The following BCAS3 variants were observed in gnomAD, a reference collection of about 807,000 sequenced individuals.
BCAS3 encodes BCAS4/BCAS3 fusion.
In BCAS3, 53 loss-of-function variants were observed where a neutral mutation model predicts 116.1. That is an observed-to-expected ratio of 0.46 (90% confidence interval 0.37 to 0.57). The LOEUF is 0.57. BCAS3 is among the 20% of genes least tolerant of loss of function. The probability of loss-of-function intolerance (pLI) is 0.00; values close to 1 mark genes in which losing one functional copy is unlikely to be tolerated. For missense variants in BCAS3, 917 were observed against 1,165.4 expected (o/e 0.79, Z 3.10); for synonymous variants, 391 against 408.2 (o/e 0.96, Z 0.51).
At chr17:61,010,499 T>A (rs1340247757) in intron 15 of BCAS3, among the ~76,000 whole-genome samples, 1 of 151,904 alleles carries the variant, frequency 6.6e-6, no homozygotes, top group Non-Finnish European at 1.5e-5. Context: ...CTTTTTTTTT[T>A]TAAATTGCAA....
At chr17:61,382,585 G>A (rs1437370873) in intron 23 of BCAS3, among the ~76,000 whole-genome samples, 1 of 151,802 alleles carries the variant, frequency 6.6e-6, no homozygotes, top group Non-Finnish European at 1.5e-5. Context: ...GAACCCAGAA[G>A]GCGGAGGTTG....
At chr17:61,025,565 C>T (rs1255055207) in intron 16 of BCAS3, among the ~76,000 whole-genome samples, 2 of 152,012 alleles carry the variant, frequency 1.3e-5, no homozygotes, top group African/African-American at 4.8e-5. Context: ...CCAGCTTACA[C>T]CTTAAAATGT....
Position 61,211,818 on chromosome 17 carries a change from A to G in BCAS3, c.2425+127254A>G, listed in dbSNP as rs2081475927. Among the ~76,000 whole-genome samples, 1 of 152,230 alleles carries G rather than the reference A, an allele frequency of 6.6e-6. No individual in the cohort carries two copies. The highest frequency in any genetic ancestry group is 1.5e-5 in the Non-Finnish European group (1 of 68,038). On this transcript the variant is annotated intron_variant, in intron 22 of 23. Transcript: ENST00000407086. This position sits in a 1 kb window ranked among gnomAD's most constrained non-coding sequence, Gnocchi z 4.4. ...CCAGAGTATGTTTACTGGGTAAAAT[A>G]TTTCAGGCATAGACTTGGAGAGCAA...
intron 22 of BCAS3, among the ~76,000 whole-genome samples, chr17:61,093,369 A>G (rs1304689395): frequency 6.6e-6 from 1 of 152,152 alleles, no homozygotes; most frequent in Non-Finnish European, 1.5e-5. Context: ...GGCAGATTGC[A>G]TGAGCTTAGG....
At chr17:60,864,170 A>C (rs2054392820) in intron 7 of BCAS3, among the ~76,000 whole-genome samples, 1 of 152,226 alleles carries the variant, frequency 6.6e-6, no homozygotes, top group Non-Finnish European at 1.5e-5. Context: ...CCTGGAATCA[A>C]GGAGCCACCT....
chr17:61,240,338 C>T (rs964018483), intron 22 of BCAS3, among the ~76,000 whole-genome samples: 1 of 152,164 alleles, frequency 6.6e-6, no homozygotes, highest in East Asian at 1.9e-4. Flanking sequence ...ATTCTTTTCA[C>T]TATACCATGA....
At chr17:61,317,337 T>C (rs2144802580) in intron 22 of BCAS3, among the ~76,000 whole-genome samples, 1 of 152,306 alleles carries the variant, frequency 6.6e-6, no homozygotes, top group East Asian at 1.9e-4. Flanking sequence ...AATAAAACAA[T>C]GTAAAGGCAT....
At chr17:61,067,726 CA>C (rs377228440) in intron 19 of BCAS3, among the ~76,000 whole-genome samples, 2,173 of 108,952 alleles carry the variant, frequency 0.02, 17 homozygotes, top group South Asian at 0.041. Context: ...AACAAACAAA[CA>C]AAAAAAAAAA....
rs1364624989 is a variant in BCAS3, at chr17:61,126,170, A to G, written c.2425+41606A>G. On this transcript the variant is annotated intron_variant, in intron 22 of 23. Coordinates refer to ENST00000407086, the MANE Select transcript of BCAS3 (RefSeq NM_017679.5). The surrounding 1 kb of genome is among the most constrained non-coding windows in gnomAD (Gnocchi z 4.6). ...CCTCTGACCGAATACAGAAGATCCA[A>G]AATACTTCCAAGGGTGAGAATTTTT... 1.3e-5 allele frequency among the ~76,000 whole-genome samples: 2 copies of G among 152,204 alleles called. No individual in the cohort carries two copies. Among genetic ancestry groups the G allele is most frequent in the East Asian group, 1.9e-4 (1 of 5,204 alleles).
rs187265550 is a variant in BCAS3, at chr17:60,725,879, G to A, written c.321+16554G>A. ...TTTTAATCCAGGATCAGACCTGAGG[G>A]AGTTTTGTTGTTGTTGTCATTGTTG... On this transcript the variant is annotated intron_variant, in intron 5 of 23. Transcript: ENST00000407086. Among the ~76,000 whole-genome samples the A allele has an allele frequency of 3.2e-3, 485 of 152,140 alleles. 9 individuals carry two copies. The South Asian group carries it at 0.045, about 14-fold the overall frequency.
chr17:60,929,668 A>G (rs1038218310), intron 13 of BCAS3, among the ~76,000 whole-genome samples: 11 of 149,722 alleles, frequency 7.3e-5, no homozygotes, highest in African/African-American at 2.7e-4. Context: ...TGCTGCACCC[A>G]TTAACTCGTC....
rs544631575 is a variant in BCAS3, at chr17:60,961,437, A to C, written c.1221+14085A>C. On this transcript the variant is annotated intron_variant, in intron 14 of 23. Coordinates refer to ENST00000407086, the MANE Select transcript of BCAS3 (RefSeq NM_017679.5). The surrounding 1 kb of genome is among the most constrained non-coding windows in gnomAD (Gnocchi z 4.8). ...CTGCTGCTTCAATCTATAGGATCAC[A>C]ATAGTCACATTAGCAGAATGAACCT... 6.6e-6 allele frequency among the ~76,000 whole-genome samples: 1 copy of C among 152,234 alleles called. No homozygotes were observed. The highest frequency in any genetic ancestry group is 2.1e-4 in the South Asian group (1 of 4,824).
At chr17:60,900,516 G>A (rs551678279) in intron 10 of BCAS3, among the ~76,000 whole-genome samples, 1 of 152,024 alleles carries the variant, frequency 6.6e-6, no homozygotes. Flanking sequence ...ACCCACTTTT[G>A]GTGTTTCCTG....
intron 14 of BCAS3, among the ~76,000 whole-genome samples, chr17:60,959,319 T>G (rs1249222940): frequency 6.6e-6 from 1 of 151,914 alleles, no homozygotes; most frequent in Non-Finnish European, 1.5e-5. Flanking sequence ...AAAAAAAATT[T>G]TTTTTTTGGT....
At chr17:60,808,862 C>T (rs2048525189) in intron 7 of BCAS3, among the ~76,000 whole-genome samples, 1 of 152,072 alleles carries the variant, frequency 6.6e-6, no homozygotes. Context: ...GAAAAAGCCT[C>T]ATGGAGAAGG....
chr17:60,784,297 A>ATTT (rs777660468), intron 6 of BCAS3, among the ~76,000 whole-genome samples: 45 of 114,834 alleles, frequency 3.9e-4, no homozygotes, highest in African/African-American at 5.1e-4. Context: ...AATGAAACAA[A>ATTT]TTTTTTTTTT....
In BCAS3 at chr17:61,037,963, G is replaced by C; in HGVS notation, c.1837G>C (p.Glu613Gln). 6.2e-7 allele frequency: 1 copy of C among 1,614,092 alleles called. No individual in the cohort carries two copies. The highest frequency in any genetic ancestry group is 8.5e-7 in the Non-Finnish European group (1 of 1,179,982). ...TGGCACCTTAGTGGAACACATGATG[G>C]AGCCGCGACCCCTCAGCACTGCACC... ...CYGTLVEHMM[E>Q]PRPLSTAPKI... is the part of the protein sequence containing the mutation. Residue 613 changes from glutamate (E) to glutamine (Q), a missense_variant, in exon 18 of 24, where the codon GAG becomes CAG. Physicochemically the swap from Glu to Gln is conservative, Grantham distance 29. This residue lies in a region of BCAS3 where 807 missense variants were observed against 1,026.0 expected (regional missense o/e 0.79). Transcript: ENST00000407086. This position sits in a 1 kb window ranked among gnomAD's most constrained non-coding sequence, Gnocchi z 4.7.
At chr17:60,963,007 C>G (rs2061483768) in intron 14 of BCAS3, among the ~76,000 whole-genome samples, 1 of 152,172 alleles carries the variant, frequency 6.6e-6, no homozygotes, top group Non-Finnish European at 1.5e-5. Context: ...CTTTTACCTT[C>G]TTATGTTCTT....
Position 61,084,603 on chromosome 17 carries a change from G to A in BCAS3, c.2425+39G>A, listed in dbSNP as rs1166499191. 1 of 1,504,968 alleles carries A rather than the reference G, an allele frequency of 6.6e-7. No homozygotes were observed. The highest frequency in any genetic ancestry group is 9.2e-7 in the Non-Finnish European group (1 of 1,083,274). 93.2% of individuals were successfully genotyped at this position (1,504,968 alleles called of 1,614,324 possible). On this transcript the variant is annotated intron_variant, in intron 22 of 23. Coordinates refer to ENST00000407086, the MANE Select transcript of BCAS3 (RefSeq NM_017679.5). The surrounding 1 kb of genome is among the most constrained non-coding windows in gnomAD (Gnocchi z 5.5). ...TCTGAAATATTTATTGGGCAGTCCTGTGCATTTTTAACTAATTTTCTCGCA... is the reference window on the plus strand; with the variant it reads ...TCTGAAATATTTATTGGGCAGTCCTATGCATTTTTAACTAATTTTCTCGCA...
Sources: allele counts gnomAD v4.1 joint callset (sites outside exome capture counted in the v4.1 genomes callset), GRCh38; gene constraint gnomAD v4.1.1; regional missense constraint gnomAD v4.1.1; non-coding constraint Gnocchi (gnomAD v3.1); transcripts MANE v1.5; gene names NCBI Gene and HGNC (gene_info 2026-07-23, HGNC 2026-07-21).